The following ACOT8 variants were observed in gnomAD, a reference collection of about 807,000 sequenced individuals.
ACOT8 encodes the protein acyl-CoA thioesterase 8.
Under a neutral mutation model 38.4 loss-of-function variants are expected in ACOT8, and 31 were observed. The ratio of observed to expected loss-of-function variants is 0.81; its 90% confidence interval spans 0.61 to 1.09. The LOEUF (loss-of-function observed/expected upper bound fraction) is 1.09. Ranked by LOEUF, ACOT8 falls within the 50% of genes least tolerant of loss-of-function variation. The pLI is 0.00. For synonymous variants in ACOT8, 158 were observed against 170.3 expected (o/e 0.93, Z 0.56); for missense variants, 373 against 421.8 (o/e 0.88, Z 1.01).
intron 1 of ACOT8, among the ~76,000 whole-genome samples, chr20:45,855,862 A>T (rs147730853): frequency 1.9e-3 from 288 of 152,350 alleles, no homozygotes; most frequent in African/African-American, 6.6e-3. Flanking sequence ...GGCCCCAGAG[A>T]TGAAAATGCT....
chr20:45,853,866 TC>T (rs1171103192), intron 2 of ACOT8: 1 of 1,219,980 alleles, frequency 8.2e-7, no homozygotes, highest in Non-Finnish European at 1.1e-6. Context: ...GGGATAACTT[TC>T]ATATTTACAA....
chr20:45,842,119 G>A (rs1276608120), intron 5 of ACOT8, 163 bp from the exon 6 acceptor site: 1 of 1,533,658 alleles, frequency 6.5e-7, no homozygotes. Flanking sequence ...GGGATTACAG[G>A]CGCACATCAC....
At position 45,843,891 on chromosome 20, in the gene ACOT8, G is replaced by GGGGA. The variant is rs1198367444; in HGVS notation, c.647-174_647-171dup. On this transcript the variant is annotated intron_variant, in intron 4 of 5. Transcript: ENST00000217455. ...TAGGGGAGAAGTGAGATGGCGACTT[G>GGGGA]GGGAGGGCAGGGGTGAGCAGGGACT... 7 of 1,310,504 alleles carry GGGGA rather than the reference G, an allele frequency of 5.3e-6. No homozygotes were observed. In the African/African-American group the frequency reaches 1.0e-4, roughly 20 times the overall value. The allele number at this position is 1,310,504 out of a possible 1,614,324, so 81.2% of individuals were successfully genotyped here. A position where few individuals can be genotyped will look rare whatever the true frequency, so the allele number is the denominator to read the frequency against.
intron 2 of ACOT8, among the ~76,000 whole-genome samples, chr20:45,849,349 A>G (rs1984910123): frequency 6.6e-6 from 1 of 151,844 alleles, no homozygotes; most frequent in African/African-American, 2.4e-5. Context: ...CAGTGGTGTA[A>G]TCTCGGCTCA....
rs760614101 is a variant in ACOT8 at position 45,843,512 on chromosome 20, C to T, written c.841+15G>A. On this transcript the variant is annotated intron_variant, in intron 5 of 5. Coordinates refer to ENST00000217455, the MANE Select transcript of ACOT8 (RefSeq NM_005469.4). ...TCAAGGTCAGTGCCCTTGTCCCACA[C>T]GGCCCCACACTCACCGGCCCAGGGG... The T allele has an allele frequency of 1.1e-5, 17 of 1,605,646 alleles. No homozygotes were observed. Among genetic ancestry groups the T allele is most frequent in the East Asian group, 2.2e-5 (1 of 44,608 alleles).
chr20:45,845,245 T>G (rs1984601571), intron 3 of ACOT8, among the ~76,000 whole-genome samples: 2 of 152,092 alleles, frequency 1.3e-5, no homozygotes, highest in Admixed American at 1.3e-4. Context: ...CCTGCCACCA[T>G]GCCCAGCTAA....
At chr20:45,854,473 T>G (rs1352668976) in intron 2 of ACOT8, among the ~76,000 whole-genome samples, 1 of 152,182 alleles carries the variant, frequency 6.6e-6, no homozygotes, top group East Asian at 1.9e-4. Context: ...GCCTCCAAAG[T>G]GCTGGGATTA....
chr20:45,853,098 T>G lies in ACOT8; in HGVS notation c.262+2061A>C, dbSNP rs1181550773. 2.0e-5 allele frequency among the ~76,000 whole-genome samples: 3 copies of G among 152,234 alleles called. No individual in the cohort carries two copies. In the East Asian group the frequency reaches 5.8e-4, roughly 29 times the overall value. On this transcript the variant is annotated intron_variant, in intron 2 of 5. Coordinates refer to ENST00000217455, the MANE Select transcript of ACOT8 (RefSeq NM_005469.4). ...AATTATTTATTTTGAAATGGTGGCTTGGACACAGCTCATTTCACGCTGCTC... is the reference window on the plus strand; with the variant it reads ...AATTATTTATTTTGAAATGGTGGCTGGGACACAGCTCATTTCACGCTGCTC...
At chr20:45,856,758 ATAAG>A (rs2145780742) in intron 1 of ACOT8, among the ~76,000 whole-genome samples, 1 of 152,360 alleles carries the variant, frequency 6.6e-6, no homozygotes, top group African/African-American at 2.4e-5. Flanking sequence ...AGGCCTCAGA[ATAAG>A]TAATGAGAAA....
In ACOT8 at chr20:45,855,279, A is replaced by C; in HGVS notation, c.142T>G (p.Trp48Gly). The C allele has an allele frequency of 6.2e-7, 1 of 1,614,142 alleles. No homozygotes were observed. The highest frequency in any genetic ancestry group is 8.5e-7 in the Non-Finnish European group (1 of 1,180,030). The part of the protein sequence containing the change: ...DEDLFRGRHY[W>G]VPAKRLFGGQ... ...CCAAACAGCCTCTTGGCCGGTACCC[A>C]GTAATGCCTTCCTCTGTAGGGAGAG... Residue 48 changes from tryptophan (W) to glycine (G), a missense_variant, in exon 2 of 6, where the codon TGG (tryptophan) becomes GGG (glycine). Coordinates refer to ENST00000217455, the MANE Select transcript of ACOT8 (RefSeq NM_005469.4).
At chr20:45,854,742 A>C (rs927982860) in intron 2 of ACOT8, among the ~76,000 whole-genome samples, 4 of 152,120 alleles carry the variant, frequency 2.6e-5, no homozygotes, top group Non-Finnish European at 5.9e-5. Flanking sequence ...TTGACAAAAG[A>C]AGCCTTAGAT....
chr20:45,855,386 T>C, intron 1 of ACOT8, 94 bp from the exon 2 acceptor site: 1 of 1,492,508 alleles, frequency 6.7e-7, no homozygotes, highest in Non-Finnish European at 9.1e-7. Context: ...CTTCACCATA[T>C]TGGGGTTTAA....
chr20:45,841,784 G>T lies in ACOT8; in HGVS notation c.*54C>A. 1.3e-6 allele frequency: 2 copies of T among 1,525,916 alleles called. No individual in the cohort carries two copies. 94.5% of individuals were successfully genotyped at this position (1,525,916 alleles called of 1,614,324 possible). ...AAAGGGACTGTAACTCCTGTCTCAG[G>T]AATGGGGATAGATGGGAGGTTCTTG... On this transcript the variant is annotated 3_prime_UTR_variant, in exon 6 of 6. Transcript: ENST00000217455.
chr20:45,853,954 GA>G, intron 2 of ACOT8: 1 of 1,304,382 alleles, frequency 7.7e-7, no homozygotes, highest in Non-Finnish European at 1.0e-6. Flanking sequence ...CTCAGCTGGG[GA>G]TCTACGCAGA....
chr20:45,848,981 G>A, intron 2 of ACOT8: 1 of 298,824 alleles, frequency 3.3e-6, no homozygotes, highest in East Asian at 5.7e-5. Context: ...GTGCTTATTT[G>A]CAAACTGGGG....
At position 45,855,198 on chromosome 20, in the gene ACOT8, C is replaced by A; in HGVS notation, c.223G>T (p.Val75Phe). 1 of 1,614,132 alleles carries A rather than the reference C, an allele frequency of 6.2e-7. No homozygotes were observed. Among genetic ancestry groups the A allele is most frequent in the Non-Finnish European group, 8.5e-7 (1 of 1,180,038 alleles). ...VAAAKSVSED[V>F]HVHSLHCYFV... ...TAGCAGTGCAGGGAGTGCACGTGGA[C>A]GTCTTCACTCACAGACTTGGCTGCA... The change falls in exon 2 of 6, where the codon GTC becomes TTC. Residue 75 changes from valine to phenylalanine, a missense_variant. By Grantham distance (50) the Val-to-Phe change is conservative. Transcript: ENST00000217455.
rs1984521351 is a variant in ACOT8 at position 45,844,411 on chromosome 20, G to A, written c.498C>T (p.Asn166=). Residue 166 remains asparagine (N), a synonymous_variant, in exon 4 of 6, where the codon AAC becomes AAT. Transcript: ENST00000217455. ...TLIDQYLRDP[N]LQKRYPLALN... ...GCGCCAATGGGTACCTCTTTTGGAG[G>A]TTAGGGTCCCTGAAAGTAAAGGGAA... 9 of 1,613,852 alleles carry A rather than the reference G, an allele frequency of 5.6e-6. No homozygotes were observed. The highest frequency in any genetic ancestry group is 5.1e-6 in the Non-Finnish European group (6 of 1,179,984).
Position 45,843,735 on chromosome 20 carries a change from C to G in ACOT8, c.647-14G>C. On this transcript the variant is annotated splice_polypyrimidine_tract_variant and intron_variant, in intron 4 of 5. Transcript: ENST00000217455. The stretch of plus-strand genomic sequence containing the variant: ...TGTCGCCCTCGCCTGCAACAGGTCC[C>G]CATCAGCCCTGGGCTCCTGGGCTTT... 6.2e-7 allele frequency: 1 copy of G among 1,605,042 alleles called. No homozygotes were observed. The highest frequency in any genetic ancestry group is 8.5e-7 in the Non-Finnish European group (1 of 1,173,052).
chr20:45,853,064 C>T (rs565980444), intron 2 of ACOT8, among the ~76,000 whole-genome samples: 10 of 152,328 alleles, frequency 6.6e-5, no homozygotes, highest in African/African-American at 1.4e-4. Flanking sequence ...CCACCACGCC[C>T]GGCCAAATAA....
Sources: gnomAD v4.1 joint callset for allele counts (sites outside exome capture counted in the v4.1 genomes callset) on GRCh38, gnomAD v4.1.1 for gene constraint, MANE v1.5 for transcripts, NCBI Gene and HGNC (gene_info 2026-07-23, HGNC 2026-07-21) for gene names.